CACNA1I: variants seen among roughly 807,000 people sequenced by gnomAD.
CACNA1I encodes calcium voltage-gated channel subunit alpha1 I.
In CACNA1I, 74 loss-of-function variants were observed where a neutral mutation model predicts 201.6. That is an observed-to-expected ratio of 0.37 (90% confidence interval 0.30 to 0.45). CACNA1I has a LOEUF of 0.45. CACNA1I is among the 20% of genes least tolerant of loss of function. The pLI is 1.00. For synonymous variants in CACNA1I, 1,431 were observed against 1,345.2 expected, an observed-to-expected ratio of 1.06 and a Z score of -1.40; for missense variants, 2,346 against 3,138.1, an observed-to-expected ratio of 0.75 and a Z score of 6.03.
intron 18 of CACNA1I, 21 bp from the exon 19 acceptor site, chr22:39,663,697 G>T (rs1935094965): frequency 1.9e-6 from 3 of 1,592,624 alleles, no homozygotes; most frequent in Admixed American, 1.7e-5. Context: ...CGCTCAGGCA[G>T]CCCCCGCCCA....
At position 39,677,475 on chromosome 22, in the gene CACNA1I, A is replaced by C; in HGVS notation, c.4933+56A>C. 46 of 1,074,610 alleles carry C rather than the reference A, an allele frequency of 4.3e-5. No individual in the cohort carries two copies. The highest frequency in any genetic ancestry group is 6.2e-5 in the South Asian group (4 of 64,488). 66.6% of individuals were successfully genotyped at this position (1,074,610 alleles called of 1,614,324 possible). ...GGGGTGCAGCAGGGCTGCAGGAGGAACTGGGGGGGCGGGGGAGGCCTGAGA... is the reference window on the plus strand; with the variant it reads ...GGGGTGCAGCAGGGCTGCAGGAGGACCTGGGGGGGCGGGGGAGGCCTGAGA... On this transcript the variant is annotated intron_variant, in intron 30 of 36. Transcript: ENST00000402142. The surrounding 1 kb of genome is among the most constrained non-coding windows in gnomAD (Gnocchi z 4.8).
chr22:39,571,634 G>C (rs964661770), intron 1 of CACNA1I, among the ~76,000 whole-genome samples: 6 of 152,204 alleles, frequency 3.9e-5, no homozygotes, highest in Non-Finnish European at 5.9e-5. Flanking sequence ...CTGAGCCTCA[G>C]GGTCCTCTCA....
At chr22:39,614,712 G>C (rs1933481484) in intron 3 of CACNA1I, among the ~76,000 whole-genome samples, 1 of 152,202 alleles carries the variant, frequency 6.6e-6, no homozygotes, top group African/African-American at 2.4e-5. Context: ...AGGAGCCAGG[G>C]AGGGAGGCTC....
rs1039274480 is a variant in CACNA1I at position 39,587,085 on chromosome 22, T to C, written c.237-11066T>C. On this transcript the variant is annotated intron_variant, in intron 1 of 36. Coordinates refer to ENST00000402142, the MANE Select transcript of CACNA1I (RefSeq NM_021096.4). The stretch of plus-strand genomic sequence containing the variant: ...GCATCCTTCCTGTGGACCTTCCACC[T>C]TGGCTTCTCATCCCAGCTGGCAGCC... 4.6e-5 allele frequency among the ~76,000 whole-genome samples: 7 copies of C among 152,176 alleles called. No individual in the cohort carries two copies. The East Asian group carries it at 1.2e-3, about 25-fold the overall frequency.
intron 33 of CACNA1I, among the ~76,000 whole-genome samples, 182 bp downstream of exon 33, chr22:39,680,050 GT>G (rs1935655496): frequency 6.6e-6 from 1 of 152,194 alleles, no homozygotes; most frequent in Admixed American, 6.5e-5. Context: ...GTGTGGGCCT[GT>G]GGTGTGGTGG....
intron 5 of CACNA1I, among the ~76,000 whole-genome samples, chr22:39,635,786 CTCT>C (rs1034948377): frequency 1.6e-4 from 25 of 152,280 alleles, no homozygotes; most frequent in African/African-American, 4.8e-4. Flanking sequence ...TCCCACAGGG[CTCT>C]TTCCCTGGAT....
At chr22:39,606,458 C>T (rs1020336075) in intron 3 of CACNA1I, among the ~76,000 whole-genome samples, 3 of 152,320 alleles carry the variant, frequency 2.0e-5, no homozygotes, top group Non-Finnish European at 4.4e-5. Context: ...CCTGTGGCAC[C>T]GCACTAGACT....
chr22:39,618,951 C>T (rs1933644700), intron 3 of CACNA1I, among the ~76,000 whole-genome samples: 1 of 152,178 alleles, frequency 6.6e-6, no homozygotes. Context: ...GGAGATGTTC[C>T]TCCCACTTTC....
At chr22:39,668,193 C>A in intron 23 of CACNA1I, 99 bp from the exon 24 acceptor site, 2 of 715,296 alleles carry the variant, frequency 2.8e-6, no homozygotes, top group South Asian at 1.7e-5. Context: ...TGTCCCTCTG[C>A]CTCCCAAGGG....
chr22:39,576,458 G>A (rs1211213186), intron 1 of CACNA1I, among the ~76,000 whole-genome samples: 1 of 152,232 alleles, frequency 6.6e-6, no homozygotes, highest in Non-Finnish European at 1.5e-5. Context: ...TGCCTCCCCA[G>A]TCCTGGCTTT....
intron 10 of CACNA1I, among the ~76,000 whole-genome samples, chr22:39,656,144 C>T (rs1934810631): frequency 6.6e-6 from 1 of 152,186 alleles, no homozygotes; most frequent in Non-Finnish European, 1.5e-5. Flanking sequence ...TGGGCCTTCT[C>T]CTTTCATCTG....
At chr22:39,588,128 AT>A (rs35332612) in intron 1 of CACNA1I, among the ~76,000 whole-genome samples, 3,487 of 90,478 alleles carry the variant, frequency 0.039, 66 homozygotes, top group African/African-American at 0.13. Context: ...GTTGCTCTTC[AT>A]TTTTTTTTTT....
intron 3 of CACNA1I, among the ~76,000 whole-genome samples, chr22:39,606,123 C>A (rs1444379891): frequency 1.3e-5 from 2 of 152,180 alleles, no homozygotes; most frequent in Non-Finnish European, 2.9e-5. Context: ...TCGCTTCAGG[C>A]TGTCTCTGTC....
chr22:39,664,690 T>C (rs1156383525), intron 20 of CACNA1I, 49 bp from the exon 21 acceptor site: 1,186 of 258,944 alleles, frequency 4.6e-3, no homozygotes, highest in Admixed American at 0.016. Context: ...CCCGCCCACC[T>C]GCCCGCCCCT....
Position 39,665,770 on chromosome 22 carries a change from G to A in CACNA1I, c.3979-111G>A. ...CCTCCAGGGAGGGAGACAGACATGGGCCCAGATGACTGAGCACAAGACAGT... is the reference window on the plus strand; with the variant it reads ...CCTCCAGGGAGGGAGACAGACATGGACCCAGATGACTGAGCACAAGACAGT... On this transcript the variant is annotated intron_variant, in intron 22 of 36. Coordinates refer to ENST00000402142, the MANE Select transcript of CACNA1I (RefSeq NM_021096.4). This position sits in a 1 kb window ranked among gnomAD's most constrained non-coding sequence, Gnocchi z 5.5. 6.5e-7 allele frequency: 1 copy of A among 1,550,318 alleles called. No homozygotes were observed. The highest frequency in any genetic ancestry group is 1.2e-5 in the South Asian group (1 of 86,006).
At chr22:39,619,114 C>T (rs557896142) in intron 3 of CACNA1I, among the ~76,000 whole-genome samples, 196 bp from the exon 4 acceptor site, 2 of 152,270 alleles carry the variant, frequency 1.3e-5, no homozygotes, top group Admixed American at 1.3e-4. Flanking sequence ...CTGTCACCGG[C>T]GCCATTTACA....
In CACNA1I at chr22:39,659,405, C is replaced by T. The variant is rs370700426; in HGVS notation, c.2331-28C>T. 56 of 1,430,574 alleles carry T rather than the reference C, an allele frequency of 3.9e-5. No individual in the cohort carries two copies. Among genetic ancestry groups the T allele is most frequent in the Admixed American group, 2.6e-4 (13 of 50,862 alleles). The allele number at this position is 1,430,574 out of a possible 1,614,324, so 88.6% of individuals were successfully genotyped here. On this transcript the variant is annotated intron_variant, in intron 12 of 36. Transcript: ENST00000402142. The surrounding 1 kb of genome is among the most constrained non-coding windows in gnomAD (Gnocchi z 4.3). ...GTAGGCAGTTTGGTGCATGTGAGTC[C>T]GATGAGCCTCTTCCATCCTTTCCCC...
rs757249274 is a variant in CACNA1I at position 39,618,225 on chromosome 22, CTGTG to C, written c.483-1082_483-1079del. On this transcript the variant is annotated intron_variant, in intron 3 of 36. Coordinates refer to ENST00000402142, the MANE Select transcript of CACNA1I (RefSeq NM_021096.4). ...TGTGTGTGACTGTGATGGTGTGTGA[CTGTG>C]TGCAGGTGTGTGGTTGTGTGCCTGT... Among the ~76,000 whole-genome samples the C allele has an allele frequency of 7.1e-3, 818 of 114,526 alleles. 3 individuals carry two copies. The highest frequency in any genetic ancestry group is 0.013 in the Non-Finnish European group (606 of 48,478). The allele number at this position is 114,526 out of a possible 152,430, so 75.1% of individuals were successfully genotyped here. A position where few individuals can be genotyped will look rare whatever the true frequency, so the allele number is the denominator to read the frequency against.
rs768219933 is a variant in CACNA1I at position 39,658,901 on chromosome 22, G to A, written c.2145-30G>A. 9.0e-6 allele frequency: 14 copies of A among 1,558,516 alleles called. 1 individual carries two copies. In the South Asian group the frequency reaches 1.1e-4, roughly 12 times the overall value. On this transcript the variant is annotated intron_variant, in intron 11 of 36. Coordinates refer to ENST00000402142, the MANE Select transcript of CACNA1I (RefSeq NM_021096.4). ...GGCCTCCTACTGCTGCCTCCTACCT[G>A]TACCCTGGGCCTGCCCTGCGGGACC... is the stretch of plus-strand genomic sequence containing the variant.
Sources: gnomAD v4.1 joint callset for allele counts (sites outside exome capture counted in the v4.1 genomes callset) on GRCh38, gnomAD v4.1.1 for gene constraint, Gnocchi (gnomAD v3.1) non-coding constraint, MANE v1.5 for transcripts, NCBI Gene and HGNC (gene_info 2026-07-23, HGNC 2026-07-21) for gene names.